Variants in MGAT4D observed in about 807,000 individuals in gnomAD.
MGAT4D encodes the protein alpha-1,3-mannosyl-glycoprotein 4-beta-N-acetylglucosaminyltransferase-like protein MGAT4D.
A neutral mutation model predicts 15.9 loss-of-function variants in MGAT4D; 34 were observed. The ratio of observed to expected loss-of-function variants is 2.14; its 90% CI spans 1.62 to 2.84. The LOEUF is 2.84. MGAT4D is among the 30% of genes most tolerant of loss of function. The probability of loss-of-function intolerance (pLI) is 0.00; values close to 1 mark genes in which losing one functional copy is unlikely to be tolerated. For missense variants in MGAT4D, 327 were observed against 140.2 expected, an observed-to-expected ratio of 2.33 and a Z score of -6.73; for synonymous variants, 112 against 48.2, an observed-to-expected ratio of 2.33 and a Z score of -5.49.
At chr4:140,464,119 C>T (rs1461592175) in intron 6 of MGAT4D, among the ~76,000 whole-genome samples, 2 of 152,182 alleles carry the variant, frequency 1.3e-5, no homozygotes, top group African/African-American at 4.8e-5. Context: ...ATGTGGACCA[C>T]TAATTAAAAG....
chr4:140,483,641 A>G (rs1267307802), intron 1 of MGAT4D, among the ~76,000 whole-genome samples: 8 of 152,196 alleles, frequency 5.3e-5, no homozygotes, highest in African/African-American at 1.9e-4. Context: ...TAATCAAAAC[A>G]GCATGGTACT....
intron 1 of MGAT4D, among the ~76,000 whole-genome samples, chr4:140,493,388 C>T (rs927810310): frequency 3.2e-4 from 48 of 151,060 alleles, no homozygotes; most frequent in African/African-American, 1.1e-3. Flanking sequence ...CTCTGCCTCC[C>T]GGGTTCACAC....
intron 5 of MGAT4D, among the ~76,000 whole-genome samples, chr4:140,469,744 G>A (rs1731791237): frequency 6.6e-6 from 1 of 152,122 alleles, no homozygotes; most frequent in Admixed American, 6.5e-5. Context: ...TTGCATTCAG[G>A]GTTTTTTGTT....
chr4:140,448,829 G>A (rs992781345), intron 10 of MGAT4D, among the ~76,000 whole-genome samples: 2 of 152,084 alleles, frequency 1.3e-5, no homozygotes, highest in African/African-American at 2.4e-5. Flanking sequence ...TCTGAGTGTG[G>A]GTATTCTTTT....
intron 1 of MGAT4D, among the ~76,000 whole-genome samples, chr4:140,488,689 T>C (rs764948826): frequency 6.6e-6 from 1 of 152,182 alleles, no homozygotes; most frequent in Non-Finnish European, 1.5e-5. Flanking sequence ...AATGGTATGG[T>C]ATGTGATATA....
intron 10 of MGAT4D, 34 bp downstream of exon 10, chr4:140,451,376 T>C (rs74507804): frequency 0.019 from 10,756 of 554,062 alleles, 853 homozygotes; most frequent in African/African-American, 0.18. Flanking sequence ...TATAAAACAT[T>C]GTATGTTACT....
chr4:140,450,421 G>C (rs1461716299), intron 10 of MGAT4D, among the ~76,000 whole-genome samples: 1 of 152,148 alleles, frequency 6.6e-6, no homozygotes, highest in Non-Finnish European at 1.5e-5. Flanking sequence ...CATTCTGATG[G>C]TGTGACTTTT....
At chr4:140,453,156 T>C (rs932115613) in intron 9 of MGAT4D, among the ~76,000 whole-genome samples, 1 of 152,202 alleles carries the variant, frequency 6.6e-6, no homozygotes, top group Non-Finnish European at 1.5e-5. Flanking sequence ...ACTGTAGCTT[T>C]GTAGTAAGCT....
At chr4:140,465,563 C>A (rs1489659165) in intron 5 of MGAT4D, among the ~76,000 whole-genome samples, 4 of 152,048 alleles carry the variant, frequency 2.6e-5, no homozygotes, top group Non-Finnish European at 5.9e-5. Flanking sequence ...AAAATATGAT[C>A]ACAAAAATTC....
At chr4:140,448,299 C>A (rs116827322) in intron 10 of MGAT4D, among the ~76,000 whole-genome samples, 1,553 of 152,224 alleles carry the variant, frequency 0.01, 26 homozygotes, top group African/African-American at 0.036. Flanking sequence ...ATAAATTTTC[C>A]AAGTTGTTGG....
Position 140,482,320 on chromosome 4 carries a change from C to T in MGAT4D, c.253+7G>A. On this transcript the variant is annotated splice_region_variant and intron_variant, in intron 2 of 10. Coordinates refer to ENST00000511113, the MANE Select transcript of MGAT4D (RefSeq NM_001277353.2). ...AACAAAACAAAACAAACAAAATCAA[C>T]ACAAACCTAAGTTTCCTGACAAAAT... 1 of 613,940 alleles carries T rather than the reference C, an allele frequency of 1.6e-6. No individual in the cohort carries two copies. Among genetic ancestry groups the T allele is most frequent in the South Asian group, 1.9e-5 (1 of 52,064 alleles). The allele number at this position is 613,940 out of a possible 1,614,324, so 38.0% of individuals were successfully genotyped here.
At chr4:140,468,698 A>G (rs1416699659) in intron 5 of MGAT4D, among the ~76,000 whole-genome samples, 1 of 152,076 alleles carries the variant, frequency 6.6e-6, no homozygotes, top group Non-Finnish European at 1.5e-5. Context: ...TTTAGGGGAA[A>G]AACTACATGT....
intron 5 of MGAT4D, among the ~76,000 whole-genome samples, chr4:140,466,388 C>T (rs944680245): frequency 2.0e-5 from 3 of 152,084 alleles, no homozygotes; most frequent in Admixed American, 2.0e-4. Flanking sequence ...TATTTCATGA[C>T]ATTGAAAACA....
intron 4 of MGAT4D, 43 bp from the exon 5 acceptor site, chr4:140,471,864 A>C (rs1560784138): frequency 7.6e-6 from 3 of 394,912 alleles, no homozygotes; most frequent in African/African-American, 2.0e-5. Context: ...AGCATGTCTC[A>C]TAGTTCTATT....
At position 140,456,596 on chromosome 4, in the gene MGAT4D, TCTC is replaced by T; in HGVS notation, c.998_1000del (p.Gly333del). On this transcript the variant is annotated inframe_deletion, in exon 9 of 11. Coordinates refer to ENST00000511113, the MANE Select transcript of MGAT4D (RefSeq NM_001277353.2). Reference sequence around the variant, plus strand: ...CATAAAGTAAATACTCACAAGATCTTCTCCTGCGTCACACACCTTTACCTGAAA... The same window carrying T: ...CATAAAGTAAATACTCACAAGATCTTCTGCGTCACACACCTTTACCTGAAA... The T allele has an allele frequency of 1.5e-6, 1 of 665,954 alleles. No homozygotes were observed. The highest frequency in any genetic ancestry group is 2.7e-6 in the Non-Finnish European group (1 of 368,070). 41.3% of individuals were successfully genotyped at this position (665,954 alleles called of 1,614,324 possible).
chr4:140,459,482 T>C (rs900490605), intron 8 of MGAT4D, 30 bp downstream of exon 8: 5 of 433,922 alleles, frequency 1.2e-5, no homozygotes, highest in Non-Finnish European at 2.1e-5. Flanking sequence ...GCTAAAAAAC[T>C]TGATCCAACA....
intron 10 of MGAT4D, chr4:140,450,007 T>C (rs1020768259): frequency 1.1e-5 from 3 of 267,410 alleles, no homozygotes; most frequent in African/African-American, 6.5e-5. Flanking sequence ...TAAAATATGA[T>C]GTAGTCGCTT....
chr4:140,478,143 C>T (rs1387038652), intron 3 of MGAT4D, among the ~76,000 whole-genome samples: 2 of 152,160 alleles, frequency 1.3e-5, no homozygotes, highest in Non-Finnish European at 2.9e-5. Flanking sequence ...TAAATACGTA[C>T]ACCATGATTG....
chr4:140,466,791 C>T (rs1391802268), intron 5 of MGAT4D, among the ~76,000 whole-genome samples: 1 of 151,872 alleles, frequency 6.6e-6, no homozygotes, highest in Non-Finnish European at 1.5e-5. Flanking sequence ...CAAGGATTGC[C>T]TGAGTATATA....
Sources: allele counts gnomAD v4.1 joint callset (sites outside exome capture counted in the v4.1 genomes callset), GRCh38; gene constraint gnomAD v4.1.1; transcripts MANE v1.5; gene names NCBI Gene and HGNC (gene_info 2026-07-23, HGNC 2026-07-21).